HGS: variants seen among roughly 807,000 people sequenced by gnomAD.
HGS encodes the protein human growth factor-regulated tyrosine kinase substrate.
Under a neutral mutation model 109.7 loss-of-function variants are expected in HGS, and 63 were observed. That is an observed-to-expected ratio of 0.57 (90% CI 0.47 to 0.71). The LOEUF (loss-of-function observed/expected upper bound fraction) is 0.71, where lower values mean the gene tolerates loss of function less well. HGS is among the 30% of genes least tolerant of loss of function. HGS has a pLI of 0.00. For synonymous variants in HGS, 546 were observed against 437.3 expected (o/e 1.25, Z -3.10); for missense variants, 995 against 1,068.3 (o/e 0.93, Z 0.96).
chr17:81,698,323 CTG>C (rs2037185127), intron 18 of HGS: 1 of 152,192 alleles, frequency 6.6e-6, no homozygotes, highest in Non-Finnish European at 1.5e-5. Context: ...TGAGGTCTTT[CTG>C]TGTTGCCCAA....
At position 81,690,197 on chromosome 17, in the gene HGS, A is replaced by C; in HGVS notation, c.431A>C (p.Glu144Ala). 1.9e-6 allele frequency: 3 copies of C among 1,613,762 alleles called. No individual in the cohort carries two copies. In the East Asian group the frequency reaches 6.7e-5, roughly 36 times the overall value. ...IMKVEGHVFPEFKESDAMFAA... is the reference protein window; with the variant it reads ...IMKVEGHVFPAFKESDAMFAA... ...ATCTCTCCAGGGCACGTCTTTCCAG[A>C]ATTCAAAGAGAGCGATGCCATGTTT... Residue 144 changes from glutamate to alanine, a missense_variant, in exon 6 of 22, where the codon GAA becomes GCA. Transcript: ENST00000329138.
In HGS at chr17:81,701,025, C is replaced by A. The variant is rs763409247; in HGVS notation, c.2137-20C>A. Reference sequence around the variant, plus strand: ...TGGTCACAGGGCTACTCTCTCACATCTGACGTCTTCTCACAACAGAATCTC... The same window carrying A: ...TGGTCACAGGGCTACTCTCTCACATATGACGTCTTCTCACAACAGAATCTC... On this transcript the variant is annotated intron_variant, in intron 20 of 21. Coordinates refer to ENST00000329138, the MANE Select transcript of HGS (RefSeq NM_004712.5). The A allele has an allele frequency of 5.8e-5, 94 of 1,607,838 alleles. No homozygotes were observed. The highest frequency in any genetic ancestry group is 8.0e-5 in the Non-Finnish European group (94 of 1,174,544).
chr17:81,684,090 C>T lies in HGS; in HGVS notation c.24C>T (p.Phe8=), dbSNP rs1490267981. The part of the protein sequence containing the change: MGRGSGT[F]ERLLDKATSQ... The stretch of plus-strand genomic sequence containing the variant: ...CCATGGGGCGAGGCAGCGGCACCTT[C>T]GAGCGTCTCCTAGGTAACGCGTCCC... Residue 8 remains phenylalanine (F), a synonymous_variant, in exon 1 of 22, where the codon TTC becomes TTT. Coordinates refer to ENST00000329138, the MANE Select transcript of HGS (RefSeq NM_004712.5). 9 of 1,592,336 alleles carry T rather than the reference C, an allele frequency of 5.7e-6. No homozygotes were observed. In the Admixed American group the frequency reaches 1.4e-4, roughly 25 times the overall value.
chr17:81,686,461 T>TA (rs113680048), intron 3 of HGS, 74 bp downstream of exon 3: 22,312 of 1,123,168 alleles, frequency 0.02, 281 homozygotes, highest in Non-Finnish European at 0.024. Flanking sequence ...TGAGAAGAGT[T>TA]TGTCCTGTGG....
Position 81,693,861 on chromosome 17 carries a change from C to G in HGS, c.841-9C>G. ...CACCCAAGTGACGCCCCTTCTGATT[C>G]TGCCTCAGAGACAGAAGTCCACGTA... On this transcript the variant is annotated splice_polypyrimidine_tract_variant and intron_variant, in intron 10 of 21. Transcript: ENST00000329138. 6.2e-7 allele frequency: 1 copy of G among 1,600,674 alleles called. No individual in the cohort carries two copies. Among genetic ancestry groups the G allele is most frequent in the South Asian group, 1.1e-5 (1 of 90,390 alleles).
In HGS at chr17:81,701,707, C is replaced by T; in HGVS notation, c.*89C>T. On this transcript the variant is annotated 3_prime_UTR_variant, in exon 22 of 22. Coordinates refer to ENST00000329138, the MANE Select transcript of HGS (RefSeq NM_004712.5). Reference sequence around the variant, plus strand: ...ACTGCCGTCGTCCTGCCTCCCTGTCCTCTACTGCCGGTAGTGTCCCTTCTC... The same window carrying T: ...ACTGCCGTCGTCCTGCCTCCCTGTCTTCTACTGCCGGTAGTGTCCCTTCTC... 4.7e-6 allele frequency: 7 copies of T among 1,483,580 alleles called. No individual in the cohort carries two copies. The South Asian group carries it at 9.1e-5, about 19-fold the overall frequency. 91.9% of individuals were successfully genotyped at this position (1,483,580 alleles called of 1,614,324 possible). A position where few individuals can be genotyped will look rare whatever the true frequency, so the allele number is the denominator to read the frequency against.
In HGS at chr17:81,685,819, T is replaced by G. The variant is rs368053505; in HGVS notation, c.122+130T>G. On this transcript the variant is annotated intron_variant, in intron 2 of 21. Transcript: ENST00000329138. The stretch of plus-strand genomic sequence containing the variant: ...CTCTTATGTGGAGAACTGCATGGGC[T>G]ACATGCTAGGATTTTTTGACATCTT... 1.8e-5 allele frequency: 11 copies of G among 617,552 alleles called. No homozygotes were observed. In the African/African-American group the frequency reaches 2.1e-4, roughly 12 times the overall value. 38.3% of individuals were successfully genotyped at this position (617,552 alleles called of 1,614,324 possible). A position where few individuals can be genotyped will look rare whatever the true frequency, so the allele number is the denominator to read the frequency against.
intron 4 of HGS, 117 bp downstream of exon 4, chr17:81,687,212 A>G (rs2036992824): frequency 1.4e-6 from 1 of 715,386 alleles, no homozygotes; most frequent in South Asian, 1.6e-5. Flanking sequence ...GTGCAGGTGC[A>G]GATCGGTGGT....
At chr17:81,690,966 T>C (rs77405902) in intron 7 of HGS, 151 of 532,560 alleles carry the variant, frequency 2.8e-4, no homozygotes, top group Non-Finnish European at 4.6e-4. Context: ...TCTGGAATTA[T>C]AATGTTTTAA....
intron 14 of HGS, 85 bp from the exon 15 acceptor site, chr17:81,695,701 T>C (rs1487835609): frequency 8.3e-7 from 1 of 1,208,378 alleles, no homozygotes; most frequent in Non-Finnish European, 1.2e-6. Flanking sequence ...GGCTTGAGTA[T>C]AGCTGGGTGC....
At chr17:81,685,246 T>C (rs780800744) in intron 1 of HGS, among the ~76,000 whole-genome samples, 3 of 151,946 alleles carry the variant, frequency 2.0e-5, no homozygotes, top group Non-Finnish European at 4.4e-5. Context: ...GGTGATAGGG[T>C]TCTTTGTTGA....
intron 4 of HGS, among the ~76,000 whole-genome samples, chr17:81,688,309 G>A (rs1352317240): frequency 1.3e-5 from 2 of 151,708 alleles, no homozygotes; most frequent in Admixed American, 1.3e-4. Flanking sequence ...TGACTGGAAG[G>A]AGGGGCGTGG....
chr17:81,690,660 C>T lies in HGS; in HGVS notation c.469-14C>T. 1 of 1,609,732 alleles carries T rather than the reference C, an allele frequency of 6.2e-7. No individual in the cohort carries two copies. The highest frequency in any genetic ancestry group is 8.5e-7 in the Non-Finnish European group (1 of 1,178,226). ...GGCGGGAAGCGTGTGGTCCTGACTG[C>T]TGCCCCTCCTCAGGCCCCAGACTGG... On this transcript the variant is annotated splice_polypyrimidine_tract_variant and intron_variant, in intron 6 of 21. Coordinates refer to ENST00000329138, the MANE Select transcript of HGS (RefSeq NM_004712.5).
chr17:81,693,830 CACGTGCACCCAAGTG>C (rs778945792), intron 10 of HGS, 25 bp from the exon 11 acceptor site: 1 of 1,569,562 alleles, frequency 6.4e-7, no homozygotes, highest in Non-Finnish European at 8.6e-7. Flanking sequence ...GGAGGGGCGT[CACGTGCACCCAAGTG>C]ACGCCCCTTC....
chr17:81,687,800 C>G (rs1051894733), intron 4 of HGS, among the ~76,000 whole-genome samples: 1 of 152,016 alleles, frequency 6.6e-6, no homozygotes, highest in Non-Finnish European at 1.5e-5. Flanking sequence ...AGACCTGGGT[C>G]TCATAGGAGA....
chr17:81,701,016 C>G, intron 20 of HGS, 29 bp from the exon 21 acceptor site: 1 of 1,598,908 alleles, frequency 6.3e-7, no homozygotes, highest in East Asian at 2.2e-5. Flanking sequence ...CAGGGCTACT[C>G]TCTCACATCT....
At chr17:81,686,082 C>T (rs2036975008) in intron 2 of HGS, among the ~76,000 whole-genome samples, 1 of 152,074 alleles carries the variant, frequency 6.6e-6, no homozygotes, top group African/African-American at 2.4e-5. Context: ...AGGCATTCAC[C>T]ATCACGCCCG....
At chr17:81,685,744 G>A in intron 2 of HGS, 55 bp downstream of exon 2, 3 of 1,437,874 alleles carry the variant, frequency 2.1e-6, no homozygotes, top group Non-Finnish European at 2.9e-6. Context: ...CACTAAGCTG[G>A]GCTCGCTTGG....
At position 81,691,617 on chromosome 17, in the gene HGS, C is replaced by T; in HGVS notation, c.662+46C>T. On this transcript the variant is annotated intron_variant, in intron 8 of 21. Transcript: ENST00000329138. This position sits in a 1 kb window ranked among gnomAD's most constrained non-coding sequence, Gnocchi z 5.3. ...TGGGCTGCAGGTGGGGCAGGCTCTCCAGGCTGGGTTTTCTGTCCCTCTTGG... is the reference window on the plus strand; with the variant it reads ...TGGGCTGCAGGTGGGGCAGGCTCTCTAGGCTGGGTTTTCTGTCCCTCTTGG... 2 of 1,611,636 alleles carry T rather than the reference C, an allele frequency of 1.2e-6. No individual in the cohort carries two copies. The highest frequency in any genetic ancestry group is 1.7e-6 in the Non-Finnish European group (2 of 1,178,768).
Sources: gnomAD v4.1 joint callset for allele counts (sites outside exome capture counted in the v4.1 genomes callset) on GRCh38, gnomAD v4.1.1 for gene constraint, Gnocchi (gnomAD v3.1) non-coding constraint, MANE v1.5 for transcripts, NCBI Gene and HGNC (gene_info 2026-07-23, HGNC 2026-07-21) for gene names.